Variants in SLF1 observed in about 807,000 individuals in gnomAD.
SLF1 encodes SMC5-SMC6 complex localization factor protein 1.
Under a neutral mutation model 123.0 loss-of-function variants are expected in SLF1, and 105 were observed. The observed-to-expected ratio is 0.85, with a 90% CI of 0.73 to 1.00. The LOEUF is 1.00. Among genes scored for constraint, SLF1 ranks in the 50% least tolerant of loss-of-function variants. SLF1 has a pLI of 0.00. For synonymous variants in SLF1, 434 were observed against 406.6 expected, an observed-to-expected ratio of 1.07 and a Z score of -0.81; for missense variants, 1,239 against 1,223.0, an observed-to-expected ratio of 1.01 and a Z score of -0.20.
intron 14 of SLF1, among the ~76,000 whole-genome samples, chr5:94,677,057 T>TA (rs1360625386): frequency 6.6e-6 from 1 of 152,132 alleles, no homozygotes; most frequent in Non-Finnish European, 1.5e-5. Flanking sequence ...TACACTGAAA[T>TA]ACACATAATT....
intron 6 of SLF1, among the ~76,000 whole-genome samples, chr5:94,650,721 T>C (rs533874734): frequency 1.3e-4 from 20 of 152,266 alleles, no homozygotes; most frequent in Non-Finnish European, 2.6e-4. Flanking sequence ...TTTCTGACTT[T>C]TCCAGTGTAT....
chr5:94,631,154 CTTGGTATATTTTTAAAAGCTTTTTTA>C (rs946393984), intron 4 of SLF1, among the ~76,000 whole-genome samples: 3 of 151,282 alleles, frequency 2.0e-5, no homozygotes, highest in Non-Finnish European at 4.4e-5. Flanking sequence ...TCATTTTGTC[CTTGGTATATTTTTAAAAGCTTTTTTA>C]TTGGGTAAAC....
At chr5:94,647,179 A>AC (rs1254871632) in intron 5 of SLF1, among the ~76,000 whole-genome samples, 1 of 152,172 alleles carries the variant, frequency 6.6e-6, no homozygotes, top group Non-Finnish European at 1.5e-5. Flanking sequence ...CTTTGTAGGT[A>AC]GTTAAAAAAT....
In SLF1 at chr5:94,628,908, C is replaced by G; in HGVS notation, c.98C>G (p.Thr33Ser). The G allele has an allele frequency of 6.5e-7, 1 of 1,545,104 alleles. No homozygotes were observed. Among genetic ancestry groups the G allele is most frequent in the Non-Finnish European group, 8.7e-7 (1 of 1,144,002 alleles). The change falls in exon 2 of 21, where the codon ACT (threonine) becomes AGT (serine). Residue 33 changes from threonine (T) to serine (S), a missense_variant. By Grantham distance (58) the Thr-to-Ser change is moderately conservative. Transcript: ENST00000265140. ...LVKLLLKLDCTFIKSEKYKNC... is the reference protein window; with the variant it reads ...LVKLLLKLDCSFIKSEKYKNC... ...AAATTACTTTTAAAACTAGATTGCA[C>G]TTTTATTAAGAGTGAGGTAAGAAAC...
At chr5:94,660,057 C>A (rs1748898383) in intron 9 of SLF1, among the ~76,000 whole-genome samples, 1 of 152,138 alleles carries the variant, frequency 6.6e-6, no homozygotes, top group East Asian at 1.9e-4. Context: ...TGCATAGGTG[C>A]TCCTGGTAGC....
At chr5:94,631,426 A>C (rs1400516630) in intron 4 of SLF1, among the ~76,000 whole-genome samples, 4 of 152,184 alleles carry the variant, frequency 2.6e-5, no homozygotes, top group African/African-American at 9.7e-5. Context: ...TGTACCACCA[A>C]CACCAGGCAA....
Position 94,696,557 on chromosome 5 carries a change from T to C in SLF1, c.*1245T>C, listed in dbSNP as rs889641852. 7 of 151,972 alleles carry C rather than the reference T, an allele frequency of 4.6e-5. No individual in the cohort carries two copies. The highest frequency in any genetic ancestry group is 2.1e-4 in the South Asian group (1 of 4,826). 9.4% of individuals were successfully genotyped at this position (151,972 alleles called of 1,614,324 possible). A position where few individuals can be genotyped will look rare whatever the true frequency, so the allele number is the denominator to read the frequency against. ...CCAAAGTATCAGACAAAAAATGATA[T>C]AGTGAAGACTATCTAAGAAGAGTTT... On this transcript the variant is annotated 3_prime_UTR_variant, in exon 21 of 21. Coordinates refer to ENST00000265140, the MANE Select transcript of SLF1 (RefSeq NM_032290.4).
At chr5:94,644,255 ACT>A (rs1746764203) in intron 5 of SLF1, among the ~76,000 whole-genome samples, 1 of 151,992 alleles carries the variant, frequency 6.6e-6, no homozygotes, top group South Asian at 2.1e-4. Context: ...TCTTCCTGTA[ACT>A]CTACCTTTTT....
At chr5:94,627,622 C>CTATATATATATATATATATATA (rs1554061301) in intron 1 of SLF1, among the ~76,000 whole-genome samples, 1 of 60,580 alleles carries the variant, frequency 1.7e-5, no homozygotes, top group Non-Finnish European at 3.6e-5. Context: ...ATATATATAG[C>CTATATATATATATATATATATA]AAAGTTAAGA....
chr5:94,688,768 A>G (rs1294955081), intron 17 of SLF1, 99 bp downstream of exon 17: 44 of 1,293,974 alleles, frequency 3.4e-5, no homozygotes, highest in Non-Finnish European at 4.2e-5. Flanking sequence ...TACTGTCTGA[A>G]TTATACTGAT....
intron 16 of SLF1, 59 bp downstream of exon 16, chr5:94,686,777 TTTTA>T: frequency 6.7e-7 from 1 of 1,494,266 alleles, no homozygotes; most frequent in Non-Finnish European, 9.0e-7. Context: ...ACAAACTCAA[TTTTA>T]TTTATTTAGT....
At chr5:94,691,988 A>AC in intron 19 of SLF1, 86 bp from the exon 20 acceptor site, 1 of 1,316,812 alleles carries the variant, frequency 7.6e-7, no homozygotes, top group South Asian at 1.5e-5. Context: ...AGAAAGTCAC[A>AC]CTGATGAGAA....
intron 3 of SLF1, 59 bp from the exon 4 acceptor site, chr5:94,630,444 T>C: frequency 6.7e-7 from 1 of 1,482,046 alleles, no homozygotes. Context: ...TGATCTTTAT[T>C]GTTTATCATT....
At chr5:94,688,075 A>T (rs551261807) in intron 16 of SLF1, among the ~76,000 whole-genome samples, 1 of 149,314 alleles carries the variant, frequency 6.7e-6, no homozygotes, top group African/African-American at 2.4e-5. Flanking sequence ...TTTTGCAACA[A>T]TCCTTTAAGG....
intron 3 of SLF1, 74 bp downstream of exon 3, chr5:94,629,241 A>G: frequency 9.2e-7 from 1 of 1,086,082 alleles, no homozygotes; most frequent in Non-Finnish European, 1.3e-6. Flanking sequence ...GTCTCTGGAG[A>G]GATAGCATAT....
At chr5:94,682,587 C>G (rs1009749698) in intron 15 of SLF1, among the ~76,000 whole-genome samples, 1 of 152,178 alleles carries the variant, frequency 6.6e-6, no homozygotes, top group Non-Finnish European at 1.5e-5. Context: ...CTATCAAATT[C>G]ATTTCAGTTT....
Position 94,628,911 on chromosome 5 carries a change from T to C in SLF1, c.101T>C (p.Phe34Ser). The C allele has an allele frequency of 1.3e-6, 2 of 1,542,758 alleles. No homozygotes were observed. Among genetic ancestry groups the C allele is most frequent in the Non-Finnish European group, 1.8e-6 (2 of 1,142,736 alleles). The change falls in exon 2 of 21, where the codon TTT becomes TCT. Residue 34 changes from phenylalanine (F) to serine (S), a missense_variant. By Grantham distance (155) the Phe-to-Ser change is radical. Coordinates refer to ENST00000265140, the MANE Select transcript of SLF1 (RefSeq NM_032290.4). Reference sequence around the variant, plus strand: ...TTACTTTTAAAACTAGATTGCACTTTTATTAAGAGTGAGGTAAGAAACTTA... The same window carrying C: ...TTACTTTTAAAACTAGATTGCACTTCTATTAAGAGTGAGGTAAGAAACTTA... ...VKLLLKLDCT[F>S]IKSEKYKNCT...
intron 1 of SLF1, among the ~76,000 whole-genome samples, chr5:94,623,521 C>T (rs1321757356): frequency 6.7e-6 from 1 of 149,842 alleles, no homozygotes; most frequent in South Asian, 2.1e-4. Flanking sequence ...AAGATAGTAT[C>T]TTCTGTATGA....
rs1307729945 is a variant in SLF1 at position 94,695,457 on chromosome 5, TA to T, written c.*152del. The stretch of plus-strand genomic sequence containing the variant: ...CCTTGCTAAATTTTAAAAGCATTTT[TA>T]AAAAAACTTCTACAAAACTCTAGTA... On this transcript the variant is annotated 3_prime_UTR_variant, in exon 21 of 21. Coordinates refer to ENST00000265140, the MANE Select transcript of SLF1 (RefSeq NM_032290.4). 47 of 1,034,922 alleles carry T rather than the reference TA, an allele frequency of 4.5e-5. No individual in the cohort carries two copies. The highest frequency in any genetic ancestry group is 8.6e-5 in the Admixed American group (3 of 34,694). The allele number at this position is 1,034,922 out of a possible 1,614,324, so 64.1% of individuals were successfully genotyped here.
Sources: allele counts gnomAD v4.1 joint callset (sites outside exome capture counted in the v4.1 genomes callset), GRCh38; gene constraint gnomAD v4.1.1; transcripts MANE v1.5; gene names NCBI Gene and HGNC (gene_info 2026-07-23, HGNC 2026-07-21).